The following RASGRP2 variants were observed in gnomAD, a reference collection of about 807,000 sequenced individuals.
RASGRP2 encodes the protein RAS guanyl-releasing protein 2.
A neutral mutation model predicts 71.0 loss-of-function variants in RASGRP2; 44 were observed. The observed-to-expected ratio is 0.62, with a 90% CI of 0.49 to 0.80. The LOEUF is 0.80. Among genes scored for constraint, RASGRP2 ranks in the 30% least tolerant of loss-of-function variants. The pLI is 0.00. For synonymous variants in RASGRP2, 350 were observed against 330.7 expected, an observed-to-expected ratio of 1.06 and a Z score of -0.63; for missense variants, 663 against 813.4, an observed-to-expected ratio of 0.82 and a Z score of 2.25.
upstream of RASGRP2, chr11:64,744,643 C>T (rs1360425093): frequency 1.3e-5 from 2 of 151,494 alleles, no homozygotes; most frequent in African/African-American, 4.8e-5. Context: ...CCCACCCGCT[C>T]GCCGCCCCCA....
At position 64,742,551 on chromosome 11, in the gene RASGRP2, C is replaced by T; in HGVS notation, c.73+243G>A. 2 of 605,752 alleles carry T rather than the reference C, an allele frequency of 3.3e-6. No individual in the cohort carries two copies. Among genetic ancestry groups the T allele is most frequent in the Non-Finnish European group, 5.9e-6 (2 of 341,336 alleles). The allele number at this position is 605,752 out of a possible 1,614,324, so 37.5% of individuals were successfully genotyped here. On this transcript the variant is annotated intron_variant, in intron 2 of 16. Transcript: ENST00000394432. The surrounding 1 kb of genome is among the most constrained non-coding windows in gnomAD (Gnocchi z 4.7). The stretch of plus-strand genomic sequence containing the variant: ...GATAATGCCCCTCAAGTGTCAGAGT[C>T]CGGGACCCGGCCCTCCCTTCGCCGC...
chr11:64,727,506 A>ATT (rs34854951), intron 15 of RASGRP2, 146 bp from the exon 16 acceptor site: 172 of 323,426 alleles, frequency 5.3e-4, no homozygotes, highest in African/African-American at 2.0e-3. Context: ...TCACAGCCCA[A>ATT]TTTTTTTTTT....
At position 64,743,965 on chromosome 11, in the gene RASGRP2, G is replaced by C. The variant is rs1359758358; in HGVS notation, c.-72+38C>G. The stretch of plus-strand genomic sequence containing the variant: ...TCACACACAATGGCACCCACACCCT[G>C]TGCACACCTGCACGAAGAAACCCTC... On this transcript the variant is annotated intron_variant, in intron 1 of 16. Transcript: ENST00000394432. This position sits in a 1 kb window ranked among gnomAD's most constrained non-coding sequence, Gnocchi z 4.9. The C allele has an allele frequency of 1.1e-5, 11 of 992,496 alleles. No individual in the cohort carries two copies. Among genetic ancestry groups the C allele is most frequent in the Non-Finnish European group, 1.2e-5 (10 of 832,968 alleles). The allele number at this position is 992,496 out of a possible 1,614,324, so 61.5% of individuals were successfully genotyped here. A position where few individuals can be genotyped will look rare whatever the true frequency, so the allele number is the denominator to read the frequency against.
rs1407918274 is a variant in RASGRP2, at chr11:64,743,385, C to T, written c.-71-448G>A. The T allele has an allele frequency of 2.3e-5, 9 of 386,864 alleles. No homozygotes were observed. Among genetic ancestry groups the T allele is most frequent in the Admixed American group, 9.4e-5 (3 of 31,938 alleles). 24.0% of individuals were successfully genotyped at this position (386,864 alleles called of 1,614,324 possible). On this transcript the variant is annotated intron_variant, in intron 1 of 16. Transcript: ENST00000394432. The surrounding 1 kb of genome is among the most constrained non-coding windows in gnomAD (Gnocchi z 4.9). ...TGAGGGGACCTCGGAGGAATTTCTC[C>T]CTGGTATGGGAGGTGGGGGGAGAGA...
Position 64,743,320 on chromosome 11 carries a change from C to T in RASGRP2, c.-71-383G>A, listed in dbSNP as rs1212497106. 2.2e-6 allele frequency: 1 copy of T among 447,720 alleles called. No homozygotes were observed. Among genetic ancestry groups the T allele is most frequent in the Non-Finnish European group, 4.4e-6 (1 of 225,310 alleles). The allele number at this position is 447,720 out of a possible 1,614,324, so 27.7% of individuals were successfully genotyped here. The stretch of plus-strand genomic sequence containing the variant: ...CCCTCCCGCTTCCCTCCCTCCACAG[C>T]CTCCCTTCCCCCGCAGGGTTATTTT... On this transcript the variant is annotated intron_variant, in intron 1 of 16. Transcript: ENST00000394432. The surrounding 1 kb of genome is among the most constrained non-coding windows in gnomAD (Gnocchi z 4.9).
At position 64,739,871 on chromosome 11, in the gene RASGRP2, C is replaced by T. The variant is rs1264493146; in HGVS notation, c.523-62G>A. 1.9e-6 allele frequency: 3 copies of T among 1,610,004 alleles called. No homozygotes were observed. The highest frequency in any genetic ancestry group is 1.1e-5 in the South Asian group (1 of 90,872). On this transcript the variant is annotated intron_variant, in intron 6 of 16. Coordinates refer to ENST00000394432, the MANE Select transcript of RASGRP2 (RefSeq NM_001098671.2). This position sits in a 1 kb window ranked among gnomAD's most constrained non-coding sequence, Gnocchi z 4.2. ...CCTCTCCCCTCACTGATAGCCACTCCTCACCCTCCAGCTGACCTTCAGTGG... is the reference window on the plus strand; with the variant it reads ...CCTCTCCCCTCACTGATAGCCACTCTTCACCCTCCAGCTGACCTTCAGTGG...
upstream of RASGRP2, chr11:64,744,161 A>G (rs1592397385): frequency 1.0e-6 from 1 of 985,994 alleles, no homozygotes; most frequent in South Asian, 4.7e-5. Flanking sequence ...ACGCATGTAC[A>G]CTCCCACACA....
At chr11:64,741,898 G>A (rs1478345600) in intron 3 of RASGRP2, 112 bp downstream of exon 3, 2 of 925,980 alleles carry the variant, frequency 2.2e-6, no homozygotes, top group African/African-American at 3.3e-5. Flanking sequence ...TGAGCTCTGG[G>A]ATAAGGAGTG....
rs754228966 is a variant in RASGRP2 at position 64,739,456 on chromosome 11, G to A, written c.717C>T (p.Asn239=). The A allele has an allele frequency of 6.2e-7, 1 of 1,614,196 alleles. No homozygotes were observed. The highest frequency in any genetic ancestry group is 1.1e-5 in the South Asian group (1 of 91,084). Residue 239 remains asparagine, a synonymous_variant, in exon 8 of 17, where the codon AAC becomes AAT. Coordinates refer to ENST00000394432, the MANE Select transcript of RASGRP2 (RefSeq NM_001098671.2). This position sits in a 1 kb window ranked among gnomAD's most constrained non-coding sequence, Gnocchi z 4.2. ...HVAEKLLQLQ[N]FNTLMAVVGG... is the part of the protein sequence containing the mutation. ...CGACCACTGCCATCAGCGTGTTGAAGTTCTGCAGCTGTAGCAGCTTCTGGA... is the reference window on the plus strand; with the variant it reads ...CGACCACTGCCATCAGCGTGTTGAAATTCTGCAGCTGTAGCAGCTTCTGGA...
intron 15 of RASGRP2, 127 bp downstream of exon 15, chr11:64,728,736 C>A (rs2057657700): frequency 1.8e-6 from 2 of 1,109,760 alleles, no homozygotes; most frequent in Admixed American, 2.8e-5. Flanking sequence ...CCCGGCCTGT[C>A]CCTTCTTTAT....
chr11:64,730,479 T>G (rs2057730455), intron 12 of RASGRP2, among the ~76,000 whole-genome samples: 1 of 152,254 alleles, frequency 6.6e-6, no homozygotes, highest in African/African-American at 2.4e-5. Flanking sequence ...GACTGTGTAC[T>G]TTCCATGGAA....
Position 64,730,088 on chromosome 11 carries a change from AG to A in RASGRP2, c.1518del (p.Leu507CysfsTer12). On this transcript the variant is annotated frameshift_variant, in exon 13 of 17. Coordinates refer to ENST00000394432, the MANE Select transcript of RASGRP2 (RefSeq NM_001098671.2). LOFTEE classifies it high-confidence loss of function. The stretch of plus-strand genomic sequence containing the variant: ...CAGTGGCGGCAGGCGACGGGGCGCA[AG>A]GAGTTGCTCTCCTGGAAGTTGTGTA... ...GFVHNFQESN[S>X]LRPVACRHCK... 6.4e-7 allele frequency: 1 copy of A among 1,550,458 alleles called. No homozygotes were observed.
intron 4 of RASGRP2, 53 bp downstream of exon 4, chr11:64,741,386 G>A: frequency 6.7e-7 from 1 of 1,482,822 alleles, no homozygotes; most frequent in Non-Finnish European, 9.2e-7. Context: ...CCAGCCTGAA[G>A]CCAGAGAGAA....
rs72927055 is a variant in RASGRP2 at position 64,741,198 on chromosome 11, C to T, written c.240-119G>A. 33,517 of 1,339,142 alleles carry T rather than the reference C, an allele frequency of 0.025. 565 individuals are homozygous for T. The highest frequency in any genetic ancestry group is 0.038 in the South Asian group (3,042 of 79,490). The allele number at this position is 1,339,142 out of a possible 1,614,324, so 83.0% of individuals were successfully genotyped here. A position where few individuals can be genotyped will look rare whatever the true frequency, so the allele number is the denominator to read the frequency against. On this transcript the variant is annotated intron_variant, in intron 4 of 16. Coordinates refer to ENST00000394432, the MANE Select transcript of RASGRP2 (RefSeq NM_001098671.2). ...AAAGACCCTCAAACTATGGTTCCAG[C>T]TCTTTCCTTCGCCACTCCAAGTGTA...
In RASGRP2 at chr11:64,736,774, G is replaced by C; in HGVS notation, c.1074C>G (p.Pro358=). 6.3e-7 allele frequency: 1 copy of C among 1,596,748 alleles called. No individual in the cohort carries two copies. The part of the protein sequence containing the change: ...TSLRPPVQAN[P]DLLSLLTVSL... ...TCACCGTGAGCAGGCTCAGCAGGTC[G>C]GGGTTGGCCTGTACTGGTGGCCGCA... Residue 358 remains proline, a synonymous_variant, in exon 9 of 17, where the codon CCC becomes CCG. Transcript: ENST00000394432.
At chr11:64,729,101 A>G in intron 14 of RASGRP2, 59 bp from the exon 15 acceptor site, 1 of 1,515,060 alleles carries the variant, frequency 6.6e-7, no homozygotes, top group Non-Finnish European at 8.9e-7. Context: ...CCTCCATCCC[A>G]TCCCGCAGGC....
rs201891010 is a variant in RASGRP2, at chr11:64,728,880, C to G, written c.1754G>C (p.Arg585Pro). The G allele has an allele frequency of 7.4e-6, 12 of 1,611,928 alleles. 1 individual carries two copies. In the South Asian group the frequency reaches 1.3e-4, roughly 18 times the overall value. The change falls in exon 15 of 17, where the codon CGA becomes CCA. Residue 585 changes from arginine to proline, a missense_variant. By Grantham distance (103) the Arg-to-Pro change is moderately radical (BLOSUM62 -2). Coordinates refer to ENST00000394432, the MANE Select transcript of RASGRP2 (RefSeq NM_001098671.2). ...FSFSLPRPGR[R>P]GSRPPEIREE... The stretch of plus-strand genomic sequence containing the variant: ...CCTCTTACCTGGAGGCCTGGAGCCT[C>G]GCCTGCCAGGGCGGGGCAGAGAGAA...
At position 64,742,970 on chromosome 11, in the gene RASGRP2, G is replaced by A; in HGVS notation, c.-71-33C>T. 2.6e-6 allele frequency: 4 copies of A among 1,513,990 alleles called. No homozygotes were observed. The highest frequency in any genetic ancestry group is 3.5e-6 in the Non-Finnish European group (4 of 1,135,640). The allele number at this position is 1,513,990 out of a possible 1,614,324, so 93.8% of individuals were successfully genotyped here. On this transcript the variant is annotated intron_variant, in intron 1 of 16. Transcript: ENST00000394432. The surrounding 1 kb of genome is among the most constrained non-coding windows in gnomAD (Gnocchi z 4.7). ...GGGAGAGGCAGAGCGGGAGTCTGCG[G>A]AGTCGCGGGCGGGGGAGCGGCCCCG...
chr11:64,739,412 G>C lies in RASGRP2; in HGVS notation c.761C>G (p.Ser254Cys). Reference protein sequence around the residue: ...MAVVGGLSHSSISRLKETHSH... With the variant: ...MAVVGGLSHSCISRLKETHSH... ...GTGGGTCTCCTTGAGGCGGGAGATG[G>C]AGCTGTGGCTCAGGCCCCCGACCAC... Residue 254 changes from serine (S) to cysteine (C), a missense_variant, in exon 8 of 17, where the codon TCC becomes TGC. By Grantham distance (112) the Ser-to-Cys change is moderately radical. Coordinates refer to ENST00000394432, the MANE Select transcript of RASGRP2 (RefSeq NM_001098671.2). The surrounding 1 kb of genome is among the most constrained non-coding windows in gnomAD (Gnocchi z 4.2). 3 of 1,614,200 alleles carry C rather than the reference G, an allele frequency of 1.9e-6. No homozygotes were observed. The highest frequency in any genetic ancestry group is 2.5e-6 in the Non-Finnish European group (3 of 1,180,032).
Sources: gnomAD v4.1 joint callset for allele counts (sites outside exome capture counted in the v4.1 genomes callset) on GRCh38, gnomAD v4.1.1 for gene constraint, Gnocchi (gnomAD v3.1) non-coding constraint, MANE v1.5 for transcripts, NCBI Gene and HGNC (gene_info 2026-07-23, HGNC 2026-07-21) for gene names.